PFAS: variants seen among roughly 807,000 people sequenced by gnomAD.
PFAS encodes FGAM synthase.
In PFAS, 97 loss-of-function variants were observed where a neutral mutation model predicts 140.6. The ratio of observed to expected loss-of-function variants is 0.69; its 90% CI spans 0.59 to 0.82. The LOEUF is 0.82. PFAS is among the 40% of genes least tolerant of loss of function. The probability of loss-of-function intolerance (pLI) is 0.00; values close to 1 mark genes in which losing one functional copy is unlikely to be tolerated. For synonymous variants in PFAS, 679 were observed against 718.8 expected (o/e 0.94, Z 0.88); for missense variants, 1,656 against 1,780.2 (o/e 0.93, Z 1.26).
Position 8,267,616 on chromosome 17 carries a change from G to T in PFAS, c.3333G>T (p.Val1111=). 1 of 1,613,118 alleles carries T rather than the reference G, an allele frequency of 6.2e-7. No homozygotes were observed. The highest frequency in any genetic ancestry group is 8.5e-7 in the Non-Finnish European group (1 of 1,179,156). Residue 1111 remains valine, a synonymous_variant, in exon 26 of 28, where the codon GTG becomes GTT. Coordinates refer to ENST00000314666, the MANE Select transcript of PFAS (RefSeq NM_012393.3). The surrounding 1 kb of genome is among the most constrained non-coding windows in gnomAD (Gnocchi z 4.9). ...GAIGLDTFRG[V]AFVGGFSYAD... is the part of the protein sequence containing the mutation. ...TTGGGCTGGACACTTTCCGTGGCGT[G>T]GCCTTCGTGGGCGGCTTCAGCTATG...
Position 8,266,387 on chromosome 17 carries a change from C to A in PFAS, c.2821+34C>A. The A allele has an allele frequency of 1.2e-6, 2 of 1,613,168 alleles. No individual in the cohort carries two copies. Among genetic ancestry groups the A allele is most frequent in the Non-Finnish European group, 1.7e-6 (2 of 1,179,524 alleles). On this transcript the variant is annotated intron_variant, in intron 22 of 27. Transcript: ENST00000314666. The surrounding 1 kb of genome is among the most constrained non-coding windows in gnomAD (Gnocchi z 5.0). ...CCTGGGGTCTAGTCTCAGGCCCGGG[C>A]TGCCTTCTCTACCCTGCAGACCCCA...
At chr17:8,254,888 G>C (rs1989296941) in intron 3 of PFAS, 139 bp from the exon 4 acceptor site, 1 of 630,398 alleles carries the variant, frequency 1.6e-6, no homozygotes, top group East Asian at 2.7e-5. Context: ...CAGGTTTCTT[G>C]TTGCCCAGCC....
intron 1 of PFAS, among the ~76,000 whole-genome samples, chr17:8,249,658 C>G (rs939891482): frequency 6.6e-6 from 1 of 152,148 alleles, no homozygotes; most frequent in Non-Finnish European, 1.5e-5. Context: ...GCACGCAAAC[C>G]CTGTCTCTGA....
Position 8,265,110 on chromosome 17 carries a change from G to A in PFAS, c.2265G>A (p.Leu755=). 6.2e-7 allele frequency: 1 copy of A among 1,612,348 alleles called. No individual in the cohort carries two copies. Among genetic ancestry groups the A allele is most frequent in the Non-Finnish European group, 8.5e-7 (1 of 1,179,554 alleles). ...AEALTNLVFA[L]VTDLRDVKCS... Reference sequence around the variant, plus strand: ...CCCTCACCAACCTGGTGTTTGCTCTGGTCACTGACCTCCGGGTGAGTTCTC... The same window carrying A: ...CCCTCACCAACCTGGTGTTTGCTCTAGTCACTGACCTCCGGGTGAGTTCTC... Residue 755 remains leucine (L), a synonymous_variant, in exon 18 of 28, where the codon CTG becomes CTA. Transcript: ENST00000314666.
Position 8,265,303 on chromosome 17 carries a change from G to A in PFAS, c.2296G>A (p.Gly766Arg), listed in dbSNP as rs760238865. ...CCACCCCCAGGATGTGAAGTGTAGC[G>A]GGAACTGGATGTGGGCAGCCAAGCT... ...VTDLRDVKCS[G>R]NWMWAAKLPG... The change falls in exon 19 of 28, where the codon GGG (glycine) becomes AGG (arginine). Residue 766 changes from glycine (G) to arginine (R), a missense_variant. By Grantham distance (125) the Gly-to-Arg change is moderately radical. Transcript: ENST00000314666. 7 of 1,613,762 alleles carry A rather than the reference G, an allele frequency of 4.3e-6. No individual in the cohort carries two copies. The Admixed American group carries it at 5.0e-5, about 12-fold the overall frequency.
chr17:8,249,707 A>C (rs1314631018), intron 1 of PFAS, among the ~76,000 whole-genome samples: 1 of 152,196 alleles, frequency 6.6e-6, no homozygotes, highest in African/African-American at 2.4e-5. Flanking sequence ...TGATAGACGG[A>C]AATCAAGTGG....
chr17:8,253,890 ATCTCTCCAGCAAAGGACACC>A lies in PFAS; in HGVS notation c.-26_-7del, dbSNP rs749327793. On this transcript the variant is annotated 5_prime_UTR_variant, in exon 2 of 28. Transcript: ENST00000314666. ...AATTCATCTCTCCAGCAAAGGACAC[ATCTCTCCAGCAAAGGACACC>A]TCTCTCCAGCAAAGGACACCTGCAG... 6.4e-5 allele frequency: 101 copies of A among 1,574,624 alleles called. No homozygotes were observed. The highest frequency in any genetic ancestry group is 2.3e-4 in the African/African-American group (17 of 73,818).
intron 13 of PFAS, 99 bp downstream of exon 13, chr17:8,263,364 T>G: frequency 3.1e-6 from 4 of 1,304,828 alleles, no homozygotes; most frequent in Non-Finnish European, 4.4e-6. Context: ...ACCACCCAGC[T>G]CTGGGTCCCA....
intron 3 of PFAS, 63 bp from the exon 4 acceptor site, chr17:8,254,964 C>CCA: frequency 8.8e-7 from 1 of 1,139,102 alleles, no homozygotes; most frequent in Non-Finnish European, 1.3e-6. Flanking sequence ...TAGGCAGGAT[C>CCA]CACCCTCCCA....
chr17:8,258,290 G>C, intron 11 of PFAS, 91 bp downstream of exon 11: 1 of 1,405,468 alleles, frequency 7.1e-7, no homozygotes. Flanking sequence ...CACTTCAGTG[G>C]TTAGTTTTTA....
rs541633223 is a variant in PFAS, at chr17:8,269,325, C to A, written c.*61C>A. On this transcript the variant is annotated 3_prime_UTR_variant, in exon 28 of 28. Transcript: ENST00000314666. ...TCACCTAAGTGGGTCCTGCCCCCTC[C>A]CCCATGACCTTCAGGAGCACCCCAT... 1.7e-6 allele frequency: 2 copies of A among 1,202,082 alleles called. No homozygotes were observed. Among genetic ancestry groups the A allele is most frequent in the African/African-American group, 1.5e-5 (1 of 65,720 alleles). The allele number at this position is 1,202,082 out of a possible 1,614,324, so 74.5% of individuals were successfully genotyped here.
Position 8,264,930 on chromosome 17 carries a change from G to A in PFAS, c.2085G>A (p.Gln695=). The change falls in exon 18 of 28, where the codon CAG becomes CAA. Residue 695 remains glutamine, a synonymous_variant. Coordinates refer to ENST00000314666, the MANE Select transcript of PFAS (RefSeq NM_012393.3). The stretch of plus-strand genomic sequence containing the variant: ...CTGTGGGAGGCCTGGTGGCCCAGCA[G>A]CAGTGCGTGGGGCCCCTGCAAACTC... The part of the protein sequence containing the change: ...DRSVGGLVAQ[Q]QCVGPLQTPL... 2 of 1,601,110 alleles carry A rather than the reference G, an allele frequency of 1.2e-6. No individual in the cohort carries two copies. Among genetic ancestry groups the A allele is most frequent in the Non-Finnish European group, 1.7e-6 (2 of 1,171,634 alleles).
upstream of PFAS, among the ~76,000 whole-genome samples, chr17:8,249,120 C>T (rs1317575476): frequency 6.6e-6 from 1 of 152,174 alleles, no homozygotes; most frequent in Non-Finnish European, 1.5e-5. Flanking sequence ...AATGTATTTT[C>T]ACAAACGTCA....
chr17:8,258,133 A>G lies in PFAS; in HGVS notation c.1270A>G (p.Ile424Val). The change falls in exon 11 of 28, where the codon ATC (isoleucine) becomes GTC (valine). Residue 424 changes from isoleucine (I) to valine (V), a missense_variant. Physicochemically the swap from Ile to Val is conservative, Grantham distance 29 (BLOSUM62 3). Around this residue, in one of 2 missense-constraint regions of PFAS, gnomAD observed 773 missense variants for 757.3 expected, o/e 1.02. Transcript: ENST00000314666. ...CCAGCGGCGTGAGTGGATCAAGCCC[A>G]TCATGTTTAGTGGGGGCATTGGGTC... The part of the protein sequence containing the change: ...DGQRREWIKP[I>V]MFSGGIGSME... 1.2e-6 allele frequency: 2 copies of G among 1,614,108 alleles called. No homozygotes were observed. The highest frequency in any genetic ancestry group is 2.7e-5 in the African/African-American group (2 of 75,052).
In PFAS at chr17:8,266,562, C is replaced by G. The variant is rs1380115467; in HGVS notation, c.2822-191C>G. On this transcript the variant is annotated intron_variant, in intron 22 of 27. Transcript: ENST00000314666. This position sits in a 1 kb window ranked among gnomAD's most constrained non-coding sequence, Gnocchi z 5.0. ...CCTGACTGCACCCCTCTGAGACTTC[C>G]CATCCCTGAGATGTCCATGATGAAA... 1 of 1,451,272 alleles carries G rather than the reference C, an allele frequency of 6.9e-7. No homozygotes were observed. Among genetic ancestry groups the G allele is most frequent in the African/African-American group, 1.4e-5 (1 of 70,052 alleles). 89.9% of individuals were successfully genotyped at this position (1,451,272 alleles called of 1,614,324 possible).
chr17:8,264,851 G>A, intron 17 of PFAS, 44 bp from the exon 18 acceptor site: 1 of 1,375,804 alleles, frequency 7.3e-7, no homozygotes, highest in Non-Finnish European at 1.0e-6. Flanking sequence ...AGCTCAGGCT[G>A]TCCCTGTCCC....
intron 13 of PFAS, 102 bp downstream of exon 13, chr17:8,263,367 G>GGGTGGTT: frequency 1.5e-6 from 2 of 1,300,798 alleles, no homozygotes; most frequent in Non-Finnish European, 2.2e-6. Context: ...ACCCAGCTCT[G>GGGTGGTT]GGTCCCATTC....
rs199963268 is a variant in PFAS, at chr17:8,267,046, G to A, written c.2986G>A (p.Gly996Arg). Residue 996 changes from glycine (G) to arginine (R), a missense_variant, in exon 24 of 28, where the codon GGG becomes AGG. Gly to Arg is a moderately radical substitution (Grantham distance 125, BLOSUM62 -2). This residue lies in a region of PFAS where 883 missense variants were observed against 1,023.0 expected (regional missense o/e 0.86). Coordinates refer to ENST00000314666, the MANE Select transcript of PFAS (RefSeq NM_012393.3). The surrounding 1 kb of genome is among the most constrained non-coding windows in gnomAD (Gnocchi z 4.9). ...TTCCTAGGTCCGGGTGTCAGTGAACGGGGCTGTGGTTCTGGAGGAGCCTGT... is the reference window on the plus strand; with the variant it reads ...TTCCTAGGTCCGGGTGTCAGTGAACAGGGCTGTGGTTCTGGAGGAGCCTGT... ...PHAMVRVSVN[G>R]AVVLEEPVGE... 142 of 1,613,984 alleles carry A rather than the reference G, an allele frequency of 8.8e-5. 1 individual carries two copies. The East Asian group carries it at 2.6e-3, about 29-fold the overall frequency.
rs12951103 is a variant in PFAS at position 8,269,414 on chromosome 17, A to G, written c.*150A>G. 0.69 allele frequency: 416,675 copies of G among 600,258 alleles called. 150,867 individuals are homozygous for G. The highest frequency in any genetic ancestry group is 0.78 in the Non-Finnish European group (261,378 of 336,780). 37.2% of individuals were successfully genotyped at this position (600,258 alleles called of 1,614,324 possible). On this transcript the variant is annotated 3_prime_UTR_variant, in exon 28 of 28. Coordinates refer to ENST00000314666, the MANE Select transcript of PFAS (RefSeq NM_012393.3). ...ATGCCAAAATCTCAGCGGACTCGAT[A>G]ATCTGCCTGCTGATGTTCCTTCTGT...
Sources: gnomAD v4.1 joint callset for allele counts (sites outside exome capture counted in the v4.1 genomes callset) on GRCh38, gnomAD v4.1.1 for gene constraint, gnomAD v4.1.1 regional missense constraint, Gnocchi (gnomAD v3.1) non-coding constraint, MANE v1.5 for transcripts, NCBI Gene and HGNC (gene_info 2026-07-23, HGNC 2026-07-21) for gene names.